The following DNMT3A variants were observed in gnomAD, a reference collection of about 807,000 sequenced individuals.
DNMT3A encodes the protein DNA (cytosine-5)-methyltransferase 3A.
In DNMT3A, 267 loss-of-function variants were observed where a neutral mutation model predicts 117.6. That is an observed-to-expected ratio of 2.27 (90% confidence interval 2.05 to 2.51). The LOEUF (loss-of-function observed/expected upper bound fraction) is 2.51. Ranked by LOEUF, DNMT3A falls within the 30% of genes most tolerant of loss-of-function variation. DNMT3A has a pLI of 0.00. For synonymous variants in DNMT3A, 432 were observed against 474.8 expected, an observed-to-expected ratio of 0.91 and a Z score of 1.17; for missense variants, 1,029 against 1,260.2, an observed-to-expected ratio of 0.82 and a Z score of 2.78.
chr2:25,248,294 G>A (rs1440973784), intron 6 of DNMT3A, 42 bp from the exon 7 acceptor site: 19 of 1,598,036 alleles, frequency 1.2e-5, no homozygotes, highest in Non-Finnish European at 1.6e-5. Context: ...ACCTCTCCAG[G>A]AATTAGCAAG....
At chr2:25,330,993 G>A (rs1468454740) in intron 1 of DNMT3A, among the ~76,000 whole-genome samples, 1 of 152,228 alleles carries the variant, frequency 6.6e-6, no homozygotes, top group Non-Finnish European at 1.5e-5. Flanking sequence ...GAGGAAACAG[G>A]CTTCTTGGGA....
rs1672761641 is a variant in DNMT3A at position 25,228,584 on chromosome 2, C to T, written c.*5695G>A. 2 of 152,090 alleles carry T rather than the reference C, an allele frequency of 1.3e-5. No individual in the cohort carries two copies. Among genetic ancestry groups the T allele is most frequent in the South Asian group, 2.1e-4 (1 of 4,824 alleles). 9.4% of individuals were successfully genotyped at this position (152,090 alleles called of 1,614,324 possible). A position where few individuals can be genotyped will look rare whatever the true frequency, so the allele number is the denominator to read the frequency against. On this transcript the variant is annotated 3_prime_UTR_variant, in exon 23 of 23. Coordinates refer to ENST00000321117, the MANE Select transcript of DNMT3A (RefSeq NM_022552.5). ...AGTTTTCAAGTACAAAGTTAAAATGCCTTTTTAATAATAATATATCAGAGT... is the reference window on the plus strand; with the variant it reads ...AGTTTTCAAGTACAAAGTTAAAATGTCTTTTTAATAATAATATATCAGAGT...
chr2:25,274,106 C>G (rs934805498), intron 6 of DNMT3A, among the ~76,000 whole-genome samples: 7 of 152,196 alleles, frequency 4.6e-5, no homozygotes, highest in African/African-American at 1.7e-4. Flanking sequence ...GCCCTCAATT[C>G]CCACCTGTCC....
intron 3 of DNMT3A, among the ~76,000 whole-genome samples, chr2:25,283,232 C>T (rs992733218): frequency 3.3e-5 from 5 of 152,050 alleles, no homozygotes; most frequent in African/African-American, 1.2e-4. Flanking sequence ...GATGGTGGTG[C>T]ATGCCCGTAA....
intron 6 of DNMT3A, among the ~76,000 whole-genome samples, chr2:25,263,579 G>C (rs1370142380): frequency 6.6e-6 from 1 of 152,120 alleles, no homozygotes; most frequent in Admixed American, 6.5e-5. Context: ...TTAATAAAGC[G>C]GCAGAGGGCT....
chr2:25,328,729 A>T, intron 1 of DNMT3A: 1 of 505,322 alleles, frequency 2.0e-6, no homozygotes, highest in South Asian at 1.5e-5. Context: ...TCCCCATTCT[A>T]GGGGTCGCTT....
At chr2:25,239,630 A>G in intron 19 of DNMT3A, 1 of 481,330 alleles carries the variant, frequency 2.1e-6, no homozygotes, top group South Asian at 1.6e-5. Flanking sequence ...AGAGGCTGGG[A>G]GAGCCCAGGC....
rs900606567 is a variant in DNMT3A at position 25,304,226 on chromosome 2, G to A, written c.73-3983C>T. 4.6e-5 allele frequency among the ~76,000 whole-genome samples: 7 copies of A among 152,120 alleles called. No individual in the cohort carries two copies. Among genetic ancestry groups the A allele is most frequent in the Non-Finnish European group, 8.8e-5 (6 of 68,020 alleles). On this transcript the variant is annotated intron_variant, in intron 2 of 22. Transcript: ENST00000321117. This position sits in a 1 kb window ranked among gnomAD's most constrained non-coding sequence, Gnocchi z 4.3. ...AGGGCAGAGCCGGGCTGGGAGTTTC[G>A]CTCTGCTCTTTGCTTAGGAGTAACC...
At chr2:25,280,498 A>C (rs2031811080) in intron 4 of DNMT3A, among the ~76,000 whole-genome samples, 2 of 150,214 alleles carry the variant, frequency 1.3e-5, no homozygotes, top group Admixed American at 6.6e-5. Context: ...CTCTCCCTCT[A>C]CCCCTCACCC....
rs567894942 is a variant in DNMT3A, at chr2:25,290,774, C to T, written c.178-8063G>A. On this transcript the variant is annotated intron_variant, in intron 3 of 22. Transcript: ENST00000321117. ...TCCCCAGGCTGCAGCCCACCTGCAG[C>T]GATCACCGGGGAAGGGGGATCCTGT... is the stretch of plus-strand genomic sequence containing the variant. Among the ~76,000 whole-genome samples the T allele has an allele frequency of 1.1e-4, 16 of 145,902 alleles. No homozygotes were observed. The South Asian group carries it at 3.0e-3, about 28-fold the overall frequency.
chr2:25,239,116 G>C lies in DNMT3A; in HGVS notation c.2408+14C>G. 1.2e-6 allele frequency: 2 copies of C among 1,613,356 alleles called. No homozygotes were observed. Among genetic ancestry groups the C allele is most frequent in the Admixed American group, 1.7e-5 (1 of 59,946 alleles). On this transcript the variant is annotated intron_variant, in intron 20 of 22. Transcript: ENST00000321117. ...CCAGCCCACAGCCCCCCAGGCCCAG[G>C]AGCTTTCACCAACCTGTTCATACCG...
At chr2:25,307,440 G>T (rs2149417963) in intron 2 of DNMT3A, among the ~76,000 whole-genome samples, 1 of 147,402 alleles carries the variant, frequency 6.8e-6, no homozygotes, top group African/African-American at 2.5e-5. Context: ...TTACAGGCAT[G>T]AGCCACCACA....
chr2:25,305,056 C>T lies in DNMT3A; in HGVS notation c.73-4813G>A, dbSNP rs2033713702. ...ACGGATGCATTTAGTCCAAGGCAGG[C>T]ACTTGATGAATGACTGTCACAGAGT... On this transcript the variant is annotated intron_variant, in intron 2 of 22. Coordinates refer to ENST00000321117, the MANE Select transcript of DNMT3A (RefSeq NM_022552.5). This position sits in a 1 kb window ranked among gnomAD's most constrained non-coding sequence, Gnocchi z 4.1. Among the ~76,000 whole-genome samples, 1 of 152,208 alleles carries T rather than the reference C, an allele frequency of 6.6e-6. No homozygotes were observed. Among genetic ancestry groups the T allele is most frequent in the African/African-American group, 2.4e-5 (1 of 41,460 alleles).
intron 16 of DNMT3A, among the ~76,000 whole-genome samples, chr2:25,243,461 C>T (rs1674319368): frequency 6.6e-6 from 1 of 152,120 alleles, no homozygotes; most frequent in Non-Finnish European, 1.5e-5. Context: ...AGAAAAAAAT[C>T]TGAAAAGGAC....
At chr2:25,328,034 A>G (rs1181275180) in intron 1 of DNMT3A, among the ~76,000 whole-genome samples, 2 of 152,244 alleles carry the variant, frequency 1.3e-5, no homozygotes, top group East Asian at 3.9e-4. Context: ...TGCCTCTGGC[A>G]TCTCTACCTC....
intron 3 of DNMT3A, among the ~76,000 whole-genome samples, chr2:25,284,304 CTTGTCT>C (rs1189791482): frequency 1.3e-5 from 2 of 152,140 alleles, no homozygotes; most frequent in Non-Finnish European, 2.9e-5. Context: ...TTTTGTCTTT[CTTGTCT>C]TTTTTTTTCT....
At position 25,304,450 on chromosome 2, in the gene DNMT3A, C is replaced by CT. The variant is rs1348761151; in HGVS notation, c.73-4208dup. ...CTCCCACTCCATCCTCCCCATCCCCCTCTCCCTGCCTCGTGCAAATCCCAG... is the reference window on the plus strand; with the variant it reads ...CTCCCACTCCATCCTCCCCATCCCCCTTCTCCCTGCCTCGTGCAAATCCCAG... On this transcript the variant is annotated intron_variant, in intron 2 of 22. Transcript: ENST00000321117. The surrounding 1 kb of genome is among the most constrained non-coding windows in gnomAD (Gnocchi z 4.3). Among the ~76,000 whole-genome samples, 2 of 152,230 alleles carry CT rather than the reference C, an allele frequency of 1.3e-5. No individual in the cohort carries two copies. The highest frequency in any genetic ancestry group is 6.5e-5 in the Admixed American group (1 of 15,286).
At chr2:25,260,173 G>A (rs1455714726) in intron 6 of DNMT3A, among the ~76,000 whole-genome samples, 1 of 152,182 alleles carries the variant, frequency 6.6e-6, no homozygotes, top group African/African-American at 2.4e-5. Context: ...CAATGCAGGC[G>A]ATACAATAAA....
chr2:25,246,817 C>A (rs2149303963), intron 9 of DNMT3A, 41 bp from the exon 10 acceptor site: 1 of 1,604,192 alleles, frequency 6.2e-7, no homozygotes, highest in Non-Finnish European at 8.5e-7. Flanking sequence ...TCAGGACAGG[C>A]TGGAAGGCAG....
Sources: gnomAD v4.1 joint callset for allele counts (sites outside exome capture counted in the v4.1 genomes callset) on GRCh38, gnomAD v4.1.1 for gene constraint, Gnocchi (gnomAD v3.1) non-coding constraint, MANE v1.5 for transcripts, NCBI Gene and HGNC (gene_info 2026-07-23, HGNC 2026-07-21) for gene names.